Variants in PSRC1 observed in about 807,000 individuals in gnomAD.
PSRC1 encodes proline/serine-rich coiled-coil protein 1.
In PSRC1, 30 loss-of-function variants were observed where a neutral mutation model predicts 31.9. The observed-to-expected ratio is 0.94, with a 90% CI of 0.70 to 1.28. The LOEUF (loss-of-function observed/expected upper bound fraction) is 1.28, where lower values mean the gene tolerates loss of function less well. Ranked by LOEUF, PSRC1 falls within the 50% of genes most tolerant of loss-of-function variation. The pLI is 0.00. For synonymous variants in PSRC1, 191 were observed against 192.1 expected, an observed-to-expected ratio of 0.99 and a Z score of 0.05; for missense variants, 481 against 472.8, an observed-to-expected ratio of 1.02 and a Z score of -0.16.
Position 109,282,578 on chromosome 1 carries a change from G to A in PSRC1, c.20-3C>T, listed in dbSNP as rs1657360989. On this transcript the variant is annotated splice_polypyrimidine_tract_variant and splice_region_variant and intron_variant, in intron 2 of 6. Coordinates refer to ENST00000409138, the Ensembl canonical transcript of PSRC1. ...CTCATCCACAATAAACCTTACATCT[G>A]AAGGGGAAAGAAGAATGAAAGCCAG... 1 of 1,613,428 alleles carries A rather than the reference G, an allele frequency of 6.2e-7. No individual in the cohort carries two copies. Among genetic ancestry groups the A allele is most frequent in the African/African-American group, 1.3e-5 (1 of 74,910 alleles).
exon 5 of PSRC1, chr1:109,281,227 G>A (rs776137200): frequency 6.2e-7 from 1 of 1,603,312 alleles, no homozygotes; most frequent in African/African-American, 1.3e-5. Context: ...TTGGATGCAG[G>A]GAACAGATTG....
chr1:109,283,025 C>T (rs1318095645), intron 1 of PSRC1, 38 bp downstream of exon 1: 1 of 479,014 alleles, frequency 2.1e-6, no homozygotes, highest in East Asian at 3.6e-5. Flanking sequence ...CTCCCCAAGC[C>T]ACCTTTCCAC....
chr1:109,282,460 G>C, intron 3 of PSRC1, 58 bp downstream of exon 3: 1 of 1,506,288 alleles, frequency 6.6e-7, no homozygotes, highest in South Asian at 1.1e-5. Context: ...CAGCAGTAAG[G>C]GATTCGAGAC....
exon 5 of PSRC1, chr1:109,281,022 A>C (rs1198908422): frequency 6.2e-7 from 1 of 1,611,404 alleles, no homozygotes. Flanking sequence ...TGGGGCCAGG[A>C]CGGATCTGAT....
chr1:109,282,904 T>C, intron 1 of PSRC1, 159 bp downstream of exon 1: 1 of 641,312 alleles, frequency 1.6e-6, no homozygotes, highest in Non-Finnish European at 2.7e-6. Context: ...TACGGAGGGC[T>C]CCCCCAACTG....
exon 7 of PSRC1, chr1:109,280,031 G>C (rs1656783873): frequency 3.9e-6 from 5 of 1,281,574 alleles, no homozygotes; most frequent in Admixed American, 1.7e-5. Flanking sequence ...AGCCCTGGTG[G>C]CATCTCTTCC....
chr1:109,280,429 G>C (rs1426810051), exon 6 of PSRC1: 32 of 1,613,222 alleles, frequency 2.0e-5, no homozygotes, highest in Non-Finnish European at 2.5e-5. Context: ...TTTCCTGGGG[G>C]GCTGCAGATT....
Position 109,281,266 on chromosome 1 carries a change from G to C in PSRC1, c.520-15C>G. 1 of 1,552,876 alleles carries C rather than the reference G, an allele frequency of 6.4e-7. No homozygotes were observed. The highest frequency in any genetic ancestry group is 8.7e-7 in the Non-Finnish European group (1 of 1,146,668). On this transcript the variant is annotated splice_polypyrimidine_tract_variant and intron_variant, in intron 4 of 6. Transcript: ENST00000409138. The stretch of plus-strand genomic sequence containing the variant: ...GTGGGTGACTCCTGAAACACAAAGA[G>C]AGAGAGAAAAAAGACTAGAGTGGAA...
In PSRC1 at chr1:109,281,089, ACT is replaced by A; in HGVS notation, c.680_681del (p.Glu227ValfsTer45). The A allele has an allele frequency of 6.2e-7, 1 of 1,612,634 alleles. No individual in the cohort carries two copies. The highest frequency in any genetic ancestry group is 8.5e-7 in the Non-Finnish European group (1 of 1,179,744). ...AGAAATTTCAGGGTCAATCCCACAAACTCCCCACTCCCACTCACCCGCAACTT... is the reference window on the plus strand; with the variant it reads ...AGAAATTTCAGGGTCAATCCCACAAACCCCACTCCCACTCACCCGCAACTT... On this transcript the variant is annotated frameshift_variant, in exon 5 of 7. Coordinates refer to ENST00000409138, the Ensembl canonical transcript of PSRC1. LOFTEE classifies it high-confidence loss of function.
chr1:109,280,717 G>A (rs1379416923), intron 5 of PSRC1, 60 bp downstream of exon 6: 5 of 1,391,260 alleles, frequency 3.6e-6, no homozygotes, highest in Non-Finnish European at 4.9e-6. Context: ...ACTGTTGACA[G>A]CTCTGGGAGG....
In PSRC1 at chr1:109,282,007, C is replaced by T. The variant is rs532320634; in HGVS notation, c.131G>A (p.Arg44Gln). ...TGGGTCACTTCGGTGGGAGAGGCCC[C>T]GTCGAAGTGGTTTCTCTGGAGTCAC... The change falls in exon 4 of 7, where the codon CGG becomes CAG. Residue 44 changes from arginine (R) to glutamine (Q), a missense_variant. Arg to Gln is a conservative substitution (Grantham distance 43, BLOSUM62 1). Transcript: ENST00000409138. 7.3e-5 allele frequency: 110 copies of T among 1,509,848 alleles called. 2 individuals are homozygous for T. In the South Asian group the frequency reaches 1.2e-3, roughly 17 times the overall value. 93.5% of individuals were successfully genotyped at this position (1,509,848 alleles called of 1,614,324 possible). A position where few individuals can be genotyped will look rare whatever the true frequency, so the allele number is the denominator to read the frequency against.
At position 109,279,886 on chromosome 1, in the gene PSRC1, A is replaced by C; in HGVS notation, c.*267T>G. ...GACAAACCACTTGCCTGTACTTCTCATCTTCTATTTGTTCATTTCACTGCT... is the reference window on the plus strand; with the variant it reads ...GACAAACCACTTGCCTGTACTTCTCCTCTTCTATTTGTTCATTTCACTGCT... On this transcript the variant is annotated 3_prime_UTR_variant, in exon 7 of 7. Transcript: ENST00000409138. The C allele has an allele frequency of 5.5e-6, 3 of 541,722 alleles. No individual in the cohort carries two copies. In the East Asian group the frequency reaches 8.6e-5, roughly 15 times the overall value. 33.6% of individuals were successfully genotyped at this position (541,722 alleles called of 1,614,324 possible). A position where few individuals can be genotyped will look rare whatever the true frequency, so the allele number is the denominator to read the frequency against.
exon 4 of PSRC1, chr1:109,281,671 G>A: frequency 6.2e-7 from 1 of 1,614,042 alleles, no homozygotes; most frequent in Non-Finnish European, 8.5e-7. Flanking sequence ...AGCCCTGACT[G>A]ACCCCTTCCT....
intron 3 of PSRC1, 121 bp from the exon 4 acceptor site, chr1:109,282,181 A>G: frequency 1.1e-6 from 1 of 925,142 alleles, no homozygotes; most frequent in Non-Finnish European, 1.6e-6. Flanking sequence ...CCCGATGCCC[A>G]TGCTGGCTGT....
chr1:109,280,245 G>T, intron 6 of PSRC1, 89 bp from the exon 8 acceptor site: 1 of 1,497,936 alleles, frequency 6.7e-7, no homozygotes, highest in Non-Finnish European at 9.3e-7. Context: ...CCTCAGGGTG[G>T]GAAGAAATGG....
At chr1:109,280,902 A>G in exon 5 of PSRC1, 1 of 1,614,138 alleles carries the variant, frequency 6.2e-7, no homozygotes. Flanking sequence ...GGTGAGTGGC[A>G]TTCGGCTGGC....
At chr1:109,280,364 A>C in intron 6 of PSRC1, 32 bp downstream of exon 7, 1 of 1,552,670 alleles carries the variant, frequency 6.4e-7, no homozygotes, top group South Asian at 1.1e-5. Context: ...CGGGGTAGGG[A>C]GACAGGATGG....
chr1:109,281,183 A>G, exon 5 of PSRC1: 1 of 1,613,326 alleles, frequency 6.2e-7, no homozygotes, highest in Non-Finnish European at 8.5e-7. Flanking sequence ...GGACTGGGGG[A>G]GTCGATCGGG....
At position 109,281,010 on chromosome 1, in the gene PSRC1, T is replaced by C. The variant is rs780789835; in HGVS notation, c.761A>G (p.Gln254Arg). ...GCGTTGAGAGTTGCTGGTAGAAGGC[T>C]GTGGGGCCAGGACGGATCTGATGGG... The change falls in exon 5 of 7, where the codon CAG becomes CGG. Residue 254 changes from glutamine (Q) to arginine (R), a missense_variant. By Grantham distance (43) the Gln-to-Arg change is conservative (BLOSUM62 1). Transcript: ENST00000409138. 6.8e-6 allele frequency: 11 copies of C among 1,608,004 alleles called. No homozygotes were observed. The East Asian group carries it at 2.0e-4, about 29-fold the overall frequency.
Sources: gnomAD v4.1 joint callset for allele counts on GRCh38, gnomAD v4.1.1 for gene constraint, MANE v1.5 for transcripts, NCBI Gene and HGNC (gene_info 2026-07-23, HGNC 2026-07-21) for gene names.